The following ZP3 variants were observed in gnomAD, a reference collection of about 807,000 sequenced individuals.
The protein encoded by ZP3 is zona pellucida sperm-binding protein 3.
In ZP3, 21 loss-of-function variants were observed where a neutral mutation model predicts 35.6. That is an observed-to-expected ratio of 0.59 (90% CI 0.42 to 0.85). The LOEUF is 0.85. Among genes scored for constraint, ZP3 ranks in the 40% least tolerant of loss-of-function variants. ZP3 has a pLI of 0.00. For synonymous variants in ZP3, 207 were observed against 214.5 expected, an observed-to-expected ratio of 0.96 and a Z score of 0.31; for missense variants, 437 against 536.5, an observed-to-expected ratio of 0.81 and a Z score of 1.83.
At chr7:76,431,407 A>C (rs1805820982) in intron 2 of ZP3, among the ~76,000 whole-genome samples, 2 of 152,150 alleles carry the variant, frequency 1.3e-5, no homozygotes, top group African/African-American at 2.4e-5. Flanking sequence ...GGATGCTTTA[A>C]CCTGGCTCCA....
chr7:76,400,643 C>T (rs1468379164), intron 1 of ZP3: 24 of 1,407,838 alleles, frequency 1.7e-5, no homozygotes, highest in Non-Finnish European at 2.2e-5. Flanking sequence ...CAACCTCCAG[C>T]ATGCCCACTC....
intron 1 of ZP3, chr7:76,400,921 TAG>T (rs1804803389): frequency 6.6e-7 from 1 of 1,515,914 alleles, no homozygotes; most frequent in South Asian, 1.2e-5. Context: ...GGGGGCTGGT[TAG>T]TCATCACTTC....
upstream of ZP3, among the ~76,000 whole-genome samples, chr7:76,423,029 A>AG (rs767704641): frequency 0.054 from 2,978 of 54,700 alleles, 75 homozygotes; most frequent in South Asian, 0.073. Flanking sequence ...GAGAGAGAGA[A>AG]AGAAAGAAAG....
intron 1 of ZP3, chr7:76,400,637 C>T (rs548871030): frequency 7.1e-7 from 1 of 1,417,886 alleles, no homozygotes; most frequent in South Asian, 1.5e-5. Flanking sequence ...TGAGTCCAAC[C>T]TCCAGCATGC....
At position 76,410,405 on chromosome 7, in the gene ZP3, G is replaced by A. The variant is rs567145101; in HGVS notation, c.-67+12608G>A. Among the ~76,000 whole-genome samples the A allele has an allele frequency of 4.0e-5, 6 of 150,654 alleles. No homozygotes were observed. The South Asian group carries it at 1.3e-3, about 32-fold the overall frequency. On this transcript the variant is annotated intron_variant, in intron 1 of 8. Transcript: ENST00000336517. ...TCGCTCTTGTTGCCCAGGCTGGAGT[G>A]CAATGGTGTGATCTCAGCTCACAGC...
At chr7:76,424,635 T>TCAAAA (rs555801960), upstream of ZP3, among the ~76,000 whole-genome samples, 4 of 151,974 alleles carry the variant, frequency 2.6e-5, no homozygotes, top group African/African-American at 4.8e-5. Flanking sequence ...AGACTCTGTC[T>TCAAAA]CAAAACAAAA....
At chr7:76,408,559 G>T (rs1006822023) in intron 1 of ZP3, among the ~76,000 whole-genome samples, 33 of 152,108 alleles carry the variant, frequency 2.2e-4, no homozygotes, top group African/African-American at 8.0e-4. Context: ...CAGAGACCCT[G>T]CCAGGAATCC....
intron 1 of ZP3, chr7:76,404,524 A>G (rs1804937587): frequency 1.2e-6 from 2 of 1,603,638 alleles, no homozygotes; most frequent in Non-Finnish European, 1.7e-6. Context: ...AAAGATCCCA[A>G]ATGTTGCTGG....
At chr7:76,400,294 A>G in intron 1 of ZP3, 1 of 1,478,258 alleles carries the variant, frequency 6.8e-7, no homozygotes, top group Non-Finnish European at 9.0e-7. Flanking sequence ...ACCATCACAC[A>G]GGACAGCCAC....
chr7:76,427,326 C>A (rs192829265), intron 1 of ZP3, among the ~76,000 whole-genome samples: 14 of 152,048 alleles, frequency 9.2e-5, no homozygotes, highest in Admixed American at 2.6e-4. Context: ...ACCAGCCTGG[C>A]CACGATGGTG....
intron 5 of ZP3, among the ~76,000 whole-genome samples, chr7:76,436,030 C>CTTTTTTTTTTTTTTTTT (rs60553917): frequency 5.4e-5 from 4 of 74,248 alleles, no homozygotes; most frequent in African/African-American, 1.5e-4. Flanking sequence ...CCCCCGCCCC[C>CTTTTTTTTTTTTTTTTT]TTTTTTTTTT....
At chr7:76,429,788 T>G (rs558721997) in intron 2 of ZP3, among the ~76,000 whole-genome samples, 155 bp downstream of exon 2, 44 of 152,254 alleles carry the variant, frequency 2.9e-4, no homozygotes, top group African/African-American at 9.9e-4. Flanking sequence ...CGTGGGATTG[T>G]GGGGCCTGCT....
upstream of ZP3, among the ~76,000 whole-genome samples, chr7:76,422,980 G>A (rs940730835): frequency 6.9e-6 from 1 of 145,196 alleles, no homozygotes; most frequent in African/African-American, 2.6e-5. Flanking sequence ...CTGGGCGACA[G>A]AATGAGATCC....
Position 76,432,931 on chromosome 7 carries a change from G to A in ZP3, c.436G>A (p.Gly146Ser). ...IPIECRYPRQGNVSSQAILPT... is the reference protein window; with the variant it reads ...IPIECRYPRQSNVSSQAILPT... ...CAGCTGCTGTTCTTCTCTCAGGCAG[G>A]GCAATGTGAGCAGCCAGGCCATCCT... The change falls in exon 3 of 8, where the codon GGC (glycine) becomes AGC (serine). Residue 146 changes from glycine (G) to serine (S), a missense_variant. Physicochemically the swap from Gly to Ser is moderately conservative, Grantham distance 56. Coordinates refer to ENST00000394857, the MANE Select transcript of ZP3 (RefSeq NM_001110354.2). The A allele has an allele frequency of 1.2e-6, 2 of 1,613,880 alleles. No homozygotes were observed. The highest frequency in any genetic ancestry group is 1.7e-6 in the Non-Finnish European group (2 of 1,179,944).
chr7:76,416,887 T>TAC lies in ZP3; in HGVS notation c.-66-8164_-66-8163insCA, dbSNP rs1272007530. On this transcript the variant is annotated intron_variant, in intron 1 of 8. Transcript: ENST00000336517. ...ATACACACATATATACACACATACA[T>TAC]ATATATACACATACATATGTATACA... Among the ~76,000 whole-genome samples the TAC allele has an allele frequency of 7.8e-4, 110 of 141,550 alleles. 1 individual carries two copies. Among genetic ancestry groups the TAC allele is most frequent in the African/African-American group, 3.1e-3 (108 of 34,878 alleles). 92.9% of individuals were successfully genotyped at this position (141,550 alleles called of 152,430 possible). A position where few individuals can be genotyped will look rare whatever the true frequency, so the allele number is the denominator to read the frequency against.
chr7:76,416,821 T>TATACATAC, intron 1 of ZP3, among the ~76,000 whole-genome samples: 1 of 133,308 alleles, frequency 7.5e-6, no homozygotes. Context: ...TCTCTCTATA[T>TATACATAC]ATATATACAT....
intron 1 of ZP3, chr7:76,429,136 T>G (rs1805756293): frequency 3.9e-6 from 1 of 257,618 alleles, no homozygotes; most frequent in African/African-American, 2.2e-5. Flanking sequence ...ATGCCTCTAT[T>G]GCTTGGGTGT....
upstream of ZP3, among the ~76,000 whole-genome samples, chr7:76,422,234 C>A (rs753607147): frequency 3.3e-5 from 5 of 151,898 alleles, no homozygotes; most frequent in African/African-American, 4.8e-5. Context: ...TCCCACAGGG[C>A]TAAGTCCAGC....
intron 1 of ZP3, among the ~76,000 whole-genome samples, chr7:76,410,458 T>A (rs1411675548): frequency 6.6e-6 from 1 of 151,484 alleles, no homozygotes; most frequent in African/African-American, 2.4e-5. Flanking sequence ...GTTCAAGGGA[T>A]TCTCCTGCCT....
Sources: allele counts gnomAD v4.1 joint callset (sites outside exome capture counted in the v4.1 genomes callset), GRCh38; gene constraint gnomAD v4.1.1; transcripts MANE v1.5; gene names NCBI Gene and HGNC (gene_info 2026-07-23, HGNC 2026-07-21).